The following HYDIN variants were observed in gnomAD, a reference collection of about 807,000 sequenced individuals.
HYDIN encodes the protein HYDIN axonemal central pair apparatus protein.
A neutral mutation model predicts 403.9 loss-of-function variants in HYDIN; 132 were observed. The ratio of observed to expected loss-of-function variants is 0.33; its 90% CI spans 0.28 to 0.38. The LOEUF is 0.38. HYDIN is among the 10% of genes least tolerant of loss of function. HYDIN has a pLI of 1.00. For synonymous variants in HYDIN, 1,202 were observed against 1,891.7 expected (o/e 0.64, Z 9.46); for missense variants, 2,827 against 5,009.5 (o/e 0.56, Z 13.15).
At chr16:71,144,825 TC>T (rs2085305755) in intron 7 of HYDIN, among the ~76,000 whole-genome samples, 1 of 147,388 alleles carries the variant, frequency 6.8e-6, no homozygotes, top group African/African-American at 2.5e-5. Flanking sequence ...ATTGAGTACT[TC>T]CTGCTGAGGA....
chr16:70,835,583 C>T lies in HYDIN; in HGVS notation c.13401+93G>A, dbSNP rs113512637. 4,965 of 627,016 alleles carry T rather than the reference C, an allele frequency of 7.9e-3. 185 individuals are homozygous for T. The African/African-American group carries it at 0.083, about 11-fold the overall frequency. 38.8% of individuals were successfully genotyped at this position (627,016 alleles called of 1,614,324 possible). ...AGAATGGTCTGGCACATTACAGATGCACAAGAAATGTGAGCTGCTAGTGTT... is the reference window on the plus strand; with the variant it reads ...AGAATGGTCTGGCACATTACAGATGTACAAGAAATGTGAGCTGCTAGTGTT... On this transcript the variant is annotated intron_variant, in intron 78 of 85. Coordinates refer to ENST00000393567, the MANE Select transcript of HYDIN (RefSeq NM_001270974.2).
At chr16:71,004,567 C>T (rs1386109679) in intron 23 of HYDIN, among the ~76,000 whole-genome samples, 2 of 151,988 alleles carry the variant, frequency 1.3e-5, no homozygotes, top group Non-Finnish European at 2.9e-5. Flanking sequence ...CTGGAATAAA[C>T]TCAACCTCAT....
intron 9 of HYDIN, among the ~76,000 whole-genome samples, chr16:71,116,230 CTTTT>C (rs3051996): frequency 2.0e-5 from 2 of 97,846 alleles, no homozygotes; most frequent in African/African-American, 8.2e-5. Context: ...TGAGTTAGAC[CTTTT>C]TTTTTTTTTT....
intron 18 of HYDIN, among the ~76,000 whole-genome samples, chr16:71,051,645 C>CAAAAAAAAAAAAAAAA (rs56676777): frequency 5.8e-5 from 7 of 120,182 alleles, no homozygotes; most frequent in African/African-American, 9.6e-5. Context: ...GACTCTGTCT[C>CAAAAAAAAAAAAAAAA]AAAAAAAAAA....
intron 3 of HYDIN, among the ~76,000 whole-genome samples, chr16:71,182,901 C>T (rs992692602): frequency 1.3e-4 from 19 of 151,928 alleles, no homozygotes; most frequent in African/African-American, 4.6e-4. Flanking sequence ...CAAAAATCAA[C>T]CAGTGAAAAG....
At chr16:70,922,416 T>A (rs904747754) in intron 45 of HYDIN, among the ~76,000 whole-genome samples, 1 of 152,178 alleles carries the variant, frequency 6.6e-6, no homozygotes, top group African/African-American at 2.4e-5. Flanking sequence ...ACAACATGAT[T>A]AATGGACTTG....
At chr16:71,110,234 G>A (rs2083760400) in intron 10 of HYDIN, among the ~76,000 whole-genome samples, 1 of 145,302 alleles carries the variant, frequency 6.9e-6, no homozygotes, top group South Asian at 2.1e-4. Context: ...CTGTATGTAT[G>A]TGTGTATATA....
At chr16:70,934,593 G>A (rs1300038590) in intron 45 of HYDIN, among the ~76,000 whole-genome samples, 2 of 151,962 alleles carry the variant, frequency 1.3e-5, no homozygotes, top group Non-Finnish European at 2.9e-5. Context: ...CCAGGCAACC[G>A]CATTAGTCCA....
chr16:71,222,148 G>A (rs566469472), intron 1 of HYDIN, among the ~76,000 whole-genome samples: 4 of 152,174 alleles, frequency 2.6e-5, no homozygotes, highest in Non-Finnish European at 5.9e-5. Context: ...ATGATCAAGT[G>A]GGTTTCATCC....
At chr16:70,998,185 C>T (rs1597500246) in intron 23 of HYDIN, among the ~76,000 whole-genome samples, 2 of 152,254 alleles carry the variant, frequency 1.3e-5, no homozygotes, top group Non-Finnish European at 2.9e-5. Context: ...TTTATTCTCC[C>T]TAGCACAGTG....
At chr16:71,001,740 G>T (rs2144074511) in intron 23 of HYDIN, among the ~76,000 whole-genome samples, 1 of 151,348 alleles carries the variant, frequency 6.6e-6, no homozygotes, top group Middle Eastern at 3.4e-3. Flanking sequence ...GCAGCCAGGG[G>T]AGACCAGAGG....
intron 18 of HYDIN, among the ~76,000 whole-genome samples, chr16:71,058,503 T>G (rs2081974211): frequency 1.7e-5 from 2 of 119,230 alleles, no homozygotes; most frequent in Admixed American, 8.6e-5. Flanking sequence ...AGATGACGAG[T>G]TAGTGGGTGC....
intron 7 of HYDIN, among the ~76,000 whole-genome samples, chr16:71,149,512 ATTTTATTTTTTATTTTTTATT>A (rs143381758): frequency 6.6e-6 from 1 of 151,780 alleles, no homozygotes; most frequent in South Asian, 2.1e-4. Flanking sequence ...AAGAATGGTT[ATTTTATTTTTTATTTTTTATT>A]TTTTATTTTT....
intron 83 of HYDIN, among the ~76,000 whole-genome samples, chr16:70,820,042 A>G (rs1284557108): frequency 2.1e-5 from 3 of 141,672 alleles, no homozygotes; most frequent in Non-Finnish European, 4.6e-5. Context: ...GGATGGTCTC[A>G]ATCTCCTGAC....
Position 70,901,004 on chromosome 16 carries a change from C to T in HYDIN, c.9048G>A (p.Glu3016=), listed in dbSNP as rs761195760. Reference sequence around the variant, plus strand: ...AGTCTGTGGATGTGTGAAGCCTCACCTCCAACCGAATAGCCTTCTTGATGT... The same window carrying T: ...AGTCTGTGGATGTGTGAAGCCTCACTTCCAACCGAATAGCCTTCTTGATGT... ...PVNIKKAIRL[E]VLDAENLLGV... The change falls in exon 53 of 86, where the codon GAG becomes GAA. Residue 3016 remains glutamate, a splice_region_variant and synonymous_variant. Transcript: ENST00000393567. 1.7e-6 allele frequency: 1 copy of T among 600,916 alleles called. No individual in the cohort carries two copies. Among genetic ancestry groups the T allele is most frequent in the Non-Finnish European group, 2.9e-6 (1 of 341,538 alleles). 37.2% of individuals were successfully genotyped at this position (600,916 alleles called of 1,614,324 possible). A position where few individuals can be genotyped will look rare whatever the true frequency, so the allele number is the denominator to read the frequency against.
At chr16:71,062,876 C>T (rs2082139321) in intron 16 of HYDIN, 1 of 153,880 alleles carries the variant, frequency 6.5e-6, no homozygotes, top group African/African-American at 2.4e-5. Context: ...AACCTTTCCT[C>T]TGTCCCCAGG....
At chr16:70,809,438 C>G (rs552729701) in intron 85 of HYDIN, among the ~76,000 whole-genome samples, 1 of 152,330 alleles carries the variant, frequency 6.6e-6, no homozygotes, top group South Asian at 2.1e-4. Flanking sequence ...AGCCAGGACT[C>G]AAACCCATGT....
Position 71,178,419 on chromosome 16 carries a change from CAAAAA to C in HYDIN, c.381+504_381+508del, listed in dbSNP as rs72161442. 9.1e-3 allele frequency among the ~76,000 whole-genome samples: 1,123 copies of C among 123,962 alleles called. 20 individuals are homozygous for C. The highest frequency in any genetic ancestry group is 0.06 in the East Asian group (269 of 4,510). 81.3% of individuals were successfully genotyped at this position (123,962 alleles called of 152,430 possible). A position where few individuals can be genotyped will look rare whatever the true frequency, so the allele number is the denominator to read the frequency against. Reference sequence around the variant, plus strand: ...GGGAAACAAGAGTGAAACTCTGTCTCAAAAAAAAAAAAAAAATATATATATATATA... The same window carrying C: ...GGGAAACAAGAGTGAAACTCTGTCTCAAAAAAAAAAATATATATATATATA... On this transcript the variant is annotated intron_variant, in intron 4 of 85. Coordinates refer to ENST00000393567, the MANE Select transcript of HYDIN (RefSeq NM_001270974.2).
At chr16:71,038,747 G>A (rs1355678237) in intron 18 of HYDIN, among the ~76,000 whole-genome samples, 2 of 152,330 alleles carry the variant, frequency 1.3e-5, no homozygotes, top group South Asian at 2.1e-4. Flanking sequence ...TGCAACCTCC[G>A]CCTCCTGGGT....
Sources: allele counts gnomAD v4.1 joint callset (sites outside exome capture counted in the v4.1 genomes callset), GRCh38; gene constraint gnomAD v4.1.1; transcripts MANE v1.5; gene names NCBI Gene and HGNC (gene_info 2026-07-23, HGNC 2026-07-21).